RFX7: variants seen among roughly 807,000 people sequenced by gnomAD.
RFX7 encodes DNA-binding protein RFX7.
A neutral mutation model predicts 111.8 loss-of-function variants in RFX7; 26 were observed. That is an observed-to-expected ratio of 0.23 (90% confidence interval 0.17 to 0.32). RFX7 has a LOEUF of 0.32. Among genes scored for constraint, RFX7 ranks in the 10% least tolerant of loss-of-function variants. The pLI, the probability that RFX7 is intolerant of heterozygous loss-of-function variation, is 1.00. For synonymous variants in RFX7, 624 were observed against 624.4 expected (o/e 1.00, Z 0.01); for missense variants, 1,573 against 1,772.9 (o/e 0.89, Z 2.02).
intron 2 of RFX7, among the ~76,000 whole-genome samples, chr15:56,196,704 A>C (rs1295549036): frequency 2.0e-5 from 3 of 152,120 alleles, no homozygotes; most frequent in Non-Finnish European, 4.4e-5. Context: ...AATAAAATAA[A>C]ATAAATTTCT....
At chr15:56,193,084 T>A in intron 2 of RFX7, 1 of 249,660 alleles carries the variant, frequency 4.0e-6, no homozygotes. Flanking sequence ...TTTTCTCAAT[T>A]CCCTCTTTAT....
chr15:56,197,394 T>G (rs2043154689), intron 2 of RFX7, among the ~76,000 whole-genome samples: 1 of 152,202 alleles, frequency 6.6e-6, no homozygotes, highest in Non-Finnish European at 1.5e-5. Context: ...TGAAAAGTGC[T>G]TTTGACATGT....
At chr15:56,136,453 T>C (rs1339076658) in intron 5 of RFX7, among the ~76,000 whole-genome samples, 25 of 141,340 alleles carry the variant, frequency 1.8e-4, no homozygotes, top group Non-Finnish European at 3.2e-4. Flanking sequence ...TTGTGATTTT[T>C]GTACATTGAT....
chr15:56,219,085 T>C (rs2141211695), intron 2 of RFX7, among the ~76,000 whole-genome samples: 1 of 152,330 alleles, frequency 6.6e-6, no homozygotes, highest in African/African-American at 2.4e-5. Context: ...ATTTCTTAAT[T>C]AATTGACAAG....
intron 5 of RFX7, among the ~76,000 whole-genome samples, chr15:56,134,197 A>G (rs1470073663): frequency 2.0e-5 from 3 of 152,160 alleles, no homozygotes; most frequent in African/African-American, 7.2e-5. Context: ...TCACACTGGT[A>G]GAGTCACTTA....
intron 7 of RFX7, 100 bp downstream of exon 7, chr15:56,102,069 C>CA: frequency 1.2e-6 from 1 of 804,774 alleles, no homozygotes; most frequent in Non-Finnish European, 2.0e-6. Flanking sequence ...GTAAAAGGCA[C>CA]AGTCGCTAGG....
chr15:56,112,871 T>A (rs981612268), intron 5 of RFX7, among the ~76,000 whole-genome samples: 4 of 152,164 alleles, frequency 2.6e-5, no homozygotes, highest in Non-Finnish European at 5.9e-5. Context: ...CAAAAGAAGG[T>A]ATTTATGCAA....
intron 2 of RFX7, among the ~76,000 whole-genome samples, chr15:56,227,818 T>C (rs1304097455): frequency 6.6e-6 from 1 of 152,214 alleles, no homozygotes; most frequent in Non-Finnish European, 1.5e-5. Flanking sequence ...TCTTCCTTTA[T>C]ATAGAACTGA....
intron 3 of RFX7, among the ~76,000 whole-genome samples, chr15:56,150,690 G>A (rs573091618): frequency 6.6e-6 from 1 of 152,300 alleles, no homozygotes; most frequent in East Asian, 1.9e-4. Flanking sequence ...TCGCCAGCAA[G>A]GGAACAAAAT....
intron 2 of RFX7, among the ~76,000 whole-genome samples, chr15:56,194,504 G>C (rs1477160008): frequency 6.6e-6 from 1 of 152,004 alleles, no homozygotes; most frequent in Non-Finnish European, 1.5e-5. Context: ...CCTTTTGTAG[G>C]TTGTGACTTG....
rs1213775679 is a variant in RFX7, at chr15:56,093,301, CAT to C, written c.*42_*43del. 10 of 1,472,832 alleles carry C rather than the reference CAT, an allele frequency of 6.8e-6. No homozygotes were observed. Among genetic ancestry groups the C allele is most frequent in the Admixed American group, 2.0e-5 (1 of 50,134 alleles). 91.2% of individuals were successfully genotyped at this position (1,472,832 alleles called of 1,614,324 possible). ...CACTTCCATTAAGACAAATACAATA[CAT>C]ATGTCTTTAGATACAGTGTGCTACA... On this transcript the variant is annotated 3_prime_UTR_variant, in exon 10 of 10. Transcript: ENST00000559447.
chr15:56,134,476 T>A (rs2042263204), intron 5 of RFX7, among the ~76,000 whole-genome samples: 1 of 152,144 alleles, frequency 6.6e-6, no homozygotes, highest in African/African-American at 2.4e-5. Flanking sequence ...TAATTATCAT[T>A]AGAATAATTC....
chr15:56,224,468 T>TGA (rs752163894), intron 2 of RFX7, among the ~76,000 whole-genome samples: 8 of 172 alleles, frequency 0.047, no homozygotes. Flanking sequence ...ATTAGGATTT[T>TGA]GTGTGTGTGT....
At chr15:56,158,298 T>C (rs1418156054) in intron 3 of RFX7, among the ~76,000 whole-genome samples, 1 of 152,150 alleles carries the variant, frequency 6.6e-6, no homozygotes, top group Non-Finnish European at 1.5e-5. Context: ...AATTTCAAAA[T>C]ATAAAACACA....
chr15:56,103,613 G>T lies in RFX7; in HGVS notation c.459C>A (p.Ile153=). ...TCATGTTTGGAAAGACGTTTTTCAT[G>T]ATCTTTCCAAAATCAGCAGCACTTA... is the stretch of plus-strand genomic sequence containing the variant. ...HPLSAADFGK[I]MKNVFPNMKA... is the part of the protein sequence containing the mutation. The change falls in exon 6 of 10, where the codon ATC becomes ATA. Residue 153 remains isoleucine, a synonymous_variant. Coordinates refer to ENST00000559447, the MANE Select transcript of RFX7 (RefSeq NM_022841.7). 6.2e-7 allele frequency: 1 copy of T among 1,606,292 alleles called. No individual in the cohort carries two copies.
chr15:56,163,162 G>A (rs1439437116), intron 3 of RFX7, among the ~76,000 whole-genome samples: 2 of 152,084 alleles, frequency 1.3e-5, no homozygotes, highest in Non-Finnish European at 2.9e-5. Context: ...AGGTGAGAAA[G>A]CATGCTTTCT....
intron 5 of RFX7, among the ~76,000 whole-genome samples, chr15:56,135,090 T>C (rs1385021381): frequency 6.6e-6 from 1 of 152,230 alleles, no homozygotes; most frequent in Non-Finnish European, 1.5e-5. Context: ...TGCATGTGTC[T>C]TTATAGCAGC....
At chr15:56,119,633 T>C (rs1296550170) in intron 5 of RFX7, among the ~76,000 whole-genome samples, 1 of 151,770 alleles carries the variant, frequency 6.6e-6, no homozygotes, top group African/African-American at 2.4e-5. Flanking sequence ...AAAAAAAAAT[T>C]AGGCATGGTG....
At position 56,132,586 on chromosome 15, in the gene RFX7, T is replaced by C. The variant is rs550835748; in HGVS notation, c.401+10192A>G. Among the ~76,000 whole-genome samples the C allele has an allele frequency of 5.3e-5, 8 of 151,968 alleles. No individual in the cohort carries two copies. The South Asian group carries it at 1.5e-3, about 28-fold the overall frequency. On this transcript the variant is annotated intron_variant, in intron 5 of 9. Transcript: ENST00000559447. ...TATATATAAAAAATAAAATAAAAAA[T>C]ACCTAGGAAAAATATATGTGAGTAT...
Sources: allele counts gnomAD v4.1 joint callset (sites outside exome capture counted in the v4.1 genomes callset), GRCh38; gene constraint gnomAD v4.1.1; transcripts MANE v1.5; gene names NCBI Gene and HGNC (gene_info 2026-07-23, HGNC 2026-07-21).